Variants in ZFYVE26 observed in about 807,000 individuals in gnomAD.
ZFYVE26 encodes the protein zinc finger FYVE-type containing 26.
A neutral mutation model predicts 276.5 loss-of-function variants in ZFYVE26; 181 were observed. The ratio of observed to expected loss-of-function variants is 0.65; its 90% CI spans 0.58 to 0.74. The LOEUF (loss-of-function observed/expected upper bound fraction) is 0.74. ZFYVE26 is among the 30% of genes least tolerant of loss of function. The probability of loss-of-function intolerance (pLI) is 0.00; values close to 1 mark genes in which losing one functional copy is unlikely to be tolerated. For synonymous variants in ZFYVE26, 1,129 were observed against 1,203.1 expected (o/e 0.94, Z 1.27); for missense variants, 2,821 against 3,097.9 (o/e 0.91, Z 2.12).
At chr14:67,771,305 T>C (rs924260733) in intron 28 of ZFYVE26, among the ~76,000 whole-genome samples, 4 of 152,234 alleles carry the variant, frequency 2.6e-5, no homozygotes, top group African/African-American at 9.7e-5. Flanking sequence ...AAAGATATGA[T>C]CTTGTTCTTT....
At chr14:67,752,216 G>A in intron 40 of ZFYVE26, 128 bp downstream of exon 40, 2 of 1,225,444 alleles carry the variant, frequency 1.6e-6, no homozygotes, top group Non-Finnish European at 2.3e-6. Context: ...CATTATTGCA[G>A]AGGGGTTCAG....
intron 10 of ZFYVE26, chr14:67,799,330 C>T (rs1005749967): frequency 3.7e-6 from 6 of 1,611,860 alleles, no homozygotes; most frequent in African/African-American, 1.3e-5. Flanking sequence ...AAGCTATTGA[C>T]GCCAGAGCGG....
At chr14:67,785,376 A>G (rs2039622332) in intron 18 of ZFYVE26, 99 bp from the exon 19 acceptor site, 3 of 1,088,340 alleles carry the variant, frequency 2.8e-6, no homozygotes, top group Admixed American at 4.0e-5. Flanking sequence ...CCCCCTATAC[A>G]CTGCCTGGGG....
chr14:67,794,774 G>A (rs1347684470), intron 12 of ZFYVE26, among the ~76,000 whole-genome samples: 2 of 151,934 alleles, frequency 1.3e-5, no homozygotes, highest in Non-Finnish European at 2.9e-5. Flanking sequence ...GCAAGACCCC[G>A]TCTACACAAA....
chr14:67,797,388 T>G, intron 12 of ZFYVE26: 1 of 460,042 alleles, frequency 2.2e-6, no homozygotes, highest in Non-Finnish European at 4.0e-6. Flanking sequence ...GTATAATACA[T>G]CTGTATATAT....
chr14:67,743,690 G>A (rs144343972), downstream of ZFYVE26, among the ~76,000 whole-genome samples: 516 of 152,234 alleles, frequency 3.4e-3, 3 homozygotes, highest in African/African-American at 0.012. Flanking sequence ...TAGTCAAAAG[G>A]CAGATCTGGT....
At chr14:67,808,396 A>G (rs1216400955) in intron 4 of ZFYVE26, among the ~76,000 whole-genome samples, 2 of 152,186 alleles carry the variant, frequency 1.3e-5, no homozygotes. Context: ...TTATCCTACT[A>G]CAAAAACCTT....
chr14:67,769,443 A>T lies in ZFYVE26; in HGVS notation c.5621+151T>A, dbSNP rs78715305. 7,441 of 1,203,674 alleles carry T rather than the reference A, an allele frequency of 6.2e-3. 78 individuals carry two copies. The highest frequency in any genetic ancestry group is 0.042 in the African/African-American group (2,850 of 67,092). 74.6% of individuals were successfully genotyped at this position (1,203,674 alleles called of 1,614,324 possible). The stretch of plus-strand genomic sequence containing the variant: ...TTCTCTGACCAAAGTCAGTGTACAA[A>T]CCCTTCAGTGTAGAGTTAATGGCAT... On this transcript the variant is annotated intron_variant, in intron 29 of 41. Coordinates refer to ENST00000347230, the MANE Select transcript of ZFYVE26 (RefSeq NM_015346.4).
In ZFYVE26 at chr14:67,750,763, T is replaced by G; in HGVS notation, c.7416+289A>C. On this transcript the variant is annotated intron_variant, in intron 41 of 41. Transcript: ENST00000347230. ...AGGTGAGGGATTTCCTAGGGCTCTC[T>G]GAGAGAAGACATCAGTATAAAATGG... 8.3e-6 allele frequency: 4 copies of G among 484,330 alleles called. No individual in the cohort carries two copies. The South Asian group carries it at 8.3e-5, about 10-fold the overall frequency. 30.0% of individuals were successfully genotyped at this position (484,330 alleles called of 1,614,324 possible).
intron 16 of ZFYVE26, among the ~76,000 whole-genome samples, chr14:67,788,714 A>T (rs765016612): frequency 1.3e-5 from 2 of 152,206 alleles, no homozygotes; most frequent in Non-Finnish European, 2.9e-5. Context: ...CCCCAGACAC[A>T]TGGGGCTACT....
Position 67,797,720 on chromosome 14 carries a change from G to T in ZFYVE26, c.2284C>A (p.Arg762Ser), listed in dbSNP as rs573210032. 2 of 1,614,182 alleles carry T rather than the reference G, an allele frequency of 1.2e-6. No homozygotes were observed. Among genetic ancestry groups the T allele is most frequent in the Middle Eastern group, 1.6e-4 (1 of 6,062 alleles). ...CGACCCCGGCGGAGACTGGGGTGAC[G>T]TGTGGCAGGCTGGTATCTTCGGGAA... ...QPSRRYQPAT[R>S]HPSLRRGRRT... The change falls in exon 12 of 42, where the codon CGT becomes AGT. Residue 762 changes from arginine to serine, a missense_variant. Physicochemically the swap from Arg to Ser is moderately radical, Grantham distance 110 (BLOSUM62 -1). Coordinates refer to ENST00000347230, the MANE Select transcript of ZFYVE26 (RefSeq NM_015346.4).
intron 12 of ZFYVE26, among the ~76,000 whole-genome samples, chr14:67,794,517 A>G (rs1374787352): frequency 1.3e-5 from 2 of 152,380 alleles, no homozygotes; most frequent in East Asian, 1.9e-4. Flanking sequence ...AGTTATTTTT[A>G]GGGGTCAGTG....
intron 39 of ZFYVE26, among the ~76,000 whole-genome samples, chr14:67,752,806 C>T (rs1566861943): frequency 6.6e-6 from 1 of 152,140 alleles, no homozygotes; most frequent in Non-Finnish European, 1.5e-5. Context: ...TTATCAAAAT[C>T]CTAAGACTAG....
At chr14:67,754,326 G>C (rs1371782351) in intron 37 of ZFYVE26, 114 bp from the exon 38 acceptor site, 3 of 1,433,530 alleles carry the variant, frequency 2.1e-6, no homozygotes, top group Non-Finnish European at 2.9e-6. Context: ...AAATGATATA[G>C]TGGGAAAAGA....
At chr14:67,765,041 T>G (rs2039021781) in intron 32 of ZFYVE26, among the ~76,000 whole-genome samples, 1 of 152,178 alleles carries the variant, frequency 6.6e-6, no homozygotes, top group Admixed American at 6.5e-5. Flanking sequence ...TTTTTTTTCC[T>G]CCTCCTATCC....
intron 41 of ZFYVE26, 84 bp downstream of exon 41, chr14:67,750,968 T>C (rs1309847351): frequency 1.3e-6 from 2 of 1,526,588 alleles, no homozygotes; most frequent in Non-Finnish European, 1.8e-6. Context: ...GGAACTATTG[T>C]GGGGAGCAAG....
chr14:67,797,462 TA>T (rs763368269), intron 12 of ZFYVE26: 1 of 627,312 alleles, frequency 1.6e-6, no homozygotes. Flanking sequence ...CATGTGTATA[TA>T]TATAAAAGGA....
chr14:67,809,910 G>A (rs1383067104), intron 3 of ZFYVE26, among the ~76,000 whole-genome samples: 8 of 150,802 alleles, frequency 5.3e-5, no homozygotes, highest in African/African-American at 1.5e-4. Context: ...TCAGGCTCCC[G>A]AGAAGCTGGG....
rs916449460 is a variant in ZFYVE26 at position 67,752,983 on chromosome 14, C to T, written c.7189-457G>A. ...CACCTTAAACCTGGTCTAGGAGAAC[C>T]CTTATGCCACAGGGCCTGGGTGGAG... On this transcript the variant is annotated intron_variant, in intron 39 of 41. Coordinates refer to ENST00000347230, the MANE Select transcript of ZFYVE26 (RefSeq NM_015346.4). Among the ~76,000 whole-genome samples, 5 of 152,160 alleles carry T rather than the reference C, an allele frequency of 3.3e-5. No individual in the cohort carries two copies. The South Asian group carries it at 6.2e-4, about 19-fold the overall frequency.
Sources: allele counts gnomAD v4.1 joint callset (sites outside exome capture counted in the v4.1 genomes callset), GRCh38; gene constraint gnomAD v4.1.1; transcripts MANE v1.5; gene names NCBI Gene and HGNC (gene_info 2026-07-23, HGNC 2026-07-21).